Variants in PCDHGA4 observed in about 807,000 individuals in gnomAD.
The protein encoded by PCDHGA4 is protocadherin gamma-A4.
Under a neutral mutation model 54.6 loss-of-function variants are expected in PCDHGA4, and 38 were observed. The ratio of observed to expected loss-of-function variants is 0.70; its 90% confidence interval spans 0.54 to 0.91. The LOEUF (loss-of-function observed/expected upper bound fraction) is 0.91. PCDHGA4 is among the 40% of genes least tolerant of loss of function. The pLI is 0.00. For synonymous variants in PCDHGA4, 511 were observed against 512.9 expected (o/e 1.00, Z 0.05); for missense variants, 1,298 against 1,220.9 (o/e 1.06, Z -0.94).
chr5:141,355,761 T>C lies in PCDHGA4; in HGVS notation c.654T>C (p.Asp218=). The C allele has an allele frequency of 1.2e-6, 2 of 1,613,946 alleles. No individual in the cohort carries two copies. Among genetic ancestry groups the C allele is most frequent in the Non-Finnish European group, 1.7e-6 (2 of 1,179,866 alleles). Residue 218 remains aspartate, a synonymous_variant, in exon 1 of 4, where the codon GAT becomes GAC. Coordinates refer to ENST00000571252, the MANE Select transcript of PCDHGA4 (RefSeq NM_018917.4). ...YFSLDVQSGA[D]GIKYPELVLE... The stretch of plus-strand genomic sequence containing the variant: ...CCCTGGACGTGCAAAGTGGGGCCGA[T>C]GGGATTAAGTACCCAGAGCTGGTGC...
chr5:141,447,430 A>G (rs960560239), intron 1 of PCDHGA4, among the ~76,000 whole-genome samples: 9 of 152,156 alleles, frequency 5.9e-5, no homozygotes, highest in African/African-American at 2.2e-4. Flanking sequence ...GAGCCACCGC[A>G]CCCGGAGGAA....
chr5:141,392,745 G>A, intron 1 of PCDHGA4: 1 of 1,441,296 alleles, frequency 6.9e-7, no homozygotes, highest in African/African-American at 1.4e-5. Flanking sequence ...CCATAGCTGC[G>A]GCAAGAAACT....
At chr5:141,403,178 T>G in intron 1 of PCDHGA4, 3 of 1,613,980 alleles carry the variant, frequency 1.9e-6, no homozygotes, top group Non-Finnish European at 2.5e-6. Context: ...GCAGCTTTTC[T>G]CTCTGAACCC....
intron 1 of PCDHGA4, chr5:141,418,465 A>G (rs2096261082): frequency 6.2e-7 from 1 of 1,614,022 alleles, no homozygotes; most frequent in Non-Finnish European, 8.5e-7. Context: ...CTCTGGACCG[A>G]GAAACGCAGA....
At chr5:141,390,854 T>G (rs1366490028) in intron 1 of PCDHGA4, 1 of 157,616 alleles carries the variant, frequency 6.3e-6, no homozygotes, top group Non-Finnish European at 1.4e-5. Context: ...ATATGCAGTG[T>G]ACGCTGTGTG....
chr5:141,368,854 T>C (rs1426770284), intron 1 of PCDHGA4, among the ~76,000 whole-genome samples: 1 of 152,192 alleles, frequency 6.6e-6, no homozygotes, highest in Non-Finnish European at 1.5e-5. Context: ...GCACTTGCTT[T>C]GGAATGTTTT....
At position 141,414,416 on chromosome 5, in the gene PCDHGA4, T is replaced by C. The variant is rs550804810; in HGVS notation, c.2514+56795T>C. The C allele has an allele frequency of 2.2e-5, 35 of 1,613,902 alleles. No homozygotes were observed. In the South Asian group the frequency reaches 3.5e-4, roughly 16 times the overall value. On this transcript the variant is annotated intron_variant, in intron 1 of 3. Coordinates refer to ENST00000571252, the MANE Select transcript of PCDHGA4 (RefSeq NM_018917.4). ...TACAGATTGGTGATACACAGAGCCCTTGACAGGGAACAGGTATCCTCTTAC... is the reference window on the plus strand; with the variant it reads ...TACAGATTGGTGATACACAGAGCCCCTGACAGGGAACAGGTATCCTCTTAC...
intron 1 of PCDHGA4, chr5:141,361,949 C>T: frequency 6.2e-7 from 1 of 1,604,150 alleles, no homozygotes; most frequent in Non-Finnish European, 8.5e-7. Flanking sequence ...GCTTGGCTGT[C>T]CTACCACGTG....
At chr5:141,423,119 G>T (rs769320490) in intron 1 of PCDHGA4, 2 of 1,613,774 alleles carry the variant, frequency 1.2e-6, no homozygotes, top group Non-Finnish European at 1.7e-6. Context: ...CGTACAGCGC[G>T]GGCACTGCTG....
intron 1 of PCDHGA4, among the ~76,000 whole-genome samples, chr5:141,463,844 G>A (rs545618795): frequency 1.3e-5 from 2 of 152,258 alleles, no homozygotes; most frequent in East Asian, 3.9e-4. Context: ...AGTTGTTATA[G>A]TGGTATATCT....
At chr5:141,419,174 A>G (rs1283454889) in intron 1 of PCDHGA4, 1 of 1,613,840 alleles carries the variant, frequency 6.2e-7, no homozygotes, top group East Asian at 2.2e-5. Flanking sequence ...CAAAACCATA[A>G]CCCTGCACAT....
chr5:141,377,482 G>C (rs1774042121), intron 1 of PCDHGA4: 1 of 152,036 alleles, frequency 6.6e-6, no homozygotes, highest in African/African-American at 2.4e-5. Flanking sequence ...TGTAGTCCCA[G>C]CTACTCGAGA....
At chr5:141,495,123 T>C (rs2099759225) in intron 2 of PCDHGA4, among the ~76,000 whole-genome samples, 1 of 152,162 alleles carries the variant, frequency 6.6e-6, no homozygotes, top group African/African-American at 2.4e-5. Flanking sequence ...TCCTATCCCC[T>C]GAGGGCACTG....
At chr5:141,398,284 G>A (rs1462851627) in intron 1 of PCDHGA4, 1 of 1,400,106 alleles carries the variant, frequency 7.1e-7, no homozygotes, top group Non-Finnish European at 9.8e-7. Flanking sequence ...CCTCGCCACG[G>A]ACCTGGGGTT....
chr5:141,358,345 G>A (rs568438184), intron 1 of PCDHGA4, among the ~76,000 whole-genome samples: 110 of 152,320 alleles, frequency 7.2e-4, no homozygotes, highest in African/African-American at 2.5e-3. Flanking sequence ...GATCTGGACT[G>A]AGGGTTTTTT....
rs2099710385 is a variant in PCDHGA4 at position 141,491,296 on chromosome 5, G to A, written c.2515-3511G>A. 6.2e-7 allele frequency: 1 copy of A among 1,614,034 alleles called. No individual in the cohort carries two copies. Among genetic ancestry groups the A allele is most frequent in the African/African-American group, 1.3e-5 (1 of 74,924 alleles). Reference sequence around the variant, plus strand: ...CAGTGACTTCCTCATACACCCTCCTGAGCGTTCAGACCTTACCCTTTACCT... The same window carrying A: ...CAGTGACTTCCTCATACACCCTCCTAAGCGTTCAGACCTTACCCTTTACCT... On this transcript the variant is annotated intron_variant, in intron 1 of 3. Transcript: ENST00000571252. The surrounding 1 kb of genome is among the most constrained non-coding windows in gnomAD (Gnocchi z 6.9).
chr5:141,391,885 G>C (rs1250781964), intron 1 of PCDHGA4: 2 of 152,194 alleles, frequency 1.3e-5, no homozygotes, highest in Non-Finnish European at 2.9e-5. Flanking sequence ...TGGTGAAAGG[G>C]ATGGGATGGA....
chr5:141,473,756 A>G (rs2099328139), intron 1 of PCDHGA4, among the ~76,000 whole-genome samples: 1 of 152,228 alleles, frequency 6.6e-6, no homozygotes, highest in African/African-American at 2.4e-5. Context: ...CTTGGATACT[A>G]TGCAAAGGAT....
At chr5:141,381,986 C>A (rs1360595056) in intron 1 of PCDHGA4, among the ~76,000 whole-genome samples, 1 of 151,810 alleles carries the variant, frequency 6.6e-6, no homozygotes, top group East Asian at 1.9e-4. Flanking sequence ...CGCGCCACCA[C>A]GCCCGGATAA....
Sources: allele counts gnomAD v4.1 joint callset (sites outside exome capture counted in the v4.1 genomes callset), GRCh38; gene constraint gnomAD v4.1.1; non-coding constraint Gnocchi (gnomAD v3.1); transcripts MANE v1.5; gene names NCBI Gene and HGNC (gene_info 2026-07-23, HGNC 2026-07-21).